Variants in KIF16B observed in about 807,000 individuals in gnomAD.
The protein encoded by KIF16B is kinesin-like protein KIF16B.
KIF16B carries 98 observed loss-of-function variants against 156.3 expected under a neutral mutation model. The observed-to-expected ratio is 0.63, with a 90% CI of 0.53 to 0.74. KIF16B has a LOEUF of 0.74. Ranked by LOEUF, KIF16B falls within the 30% of genes least tolerant of loss-of-function variation. The pLI, the probability that KIF16B is intolerant of heterozygous loss-of-function variation, is 0.00. For missense variants in KIF16B, 1,421 were observed against 1,606.5 expected (o/e 0.88, Z 1.97); for synonymous variants, 564 against 583.7 (o/e 0.97, Z 0.49).
chr20:16,472,419 A>G (rs1474009321), intron 12 of KIF16B, among the ~76,000 whole-genome samples: 1 of 152,162 alleles, frequency 6.6e-6, no homozygotes, highest in African/African-American at 2.4e-5. Flanking sequence ...AGTCACAAGC[A>G]GCCAAGCCAG....
chr20:16,275,826 T>G (rs1337680844), intron 25 of KIF16B, among the ~76,000 whole-genome samples: 1 of 152,162 alleles, frequency 6.6e-6, no homozygotes, highest in African/African-American at 2.4e-5. Flanking sequence ...AATATCAACT[T>G]TAAAGGGACT....
chr20:16,400,772 C>T (rs748555462), intron 17 of KIF16B, among the ~76,000 whole-genome samples: 6 of 152,164 alleles, frequency 3.9e-5, no homozygotes, highest in Non-Finnish European at 2.9e-5. Flanking sequence ...GAGAAGAGGA[C>T]ACACCAGTGA....
intron 12 of KIF16B, among the ~76,000 whole-genome samples, chr20:16,460,495 C>T (rs1427909133): frequency 2.0e-5 from 3 of 151,886 alleles, no homozygotes; most frequent in South Asian, 2.1e-4. Flanking sequence ...TGCTTGAACC[C>T]GGGTTGCAGT....
chr20:16,461,046 A>AGGC (rs2067333368), intron 12 of KIF16B, among the ~76,000 whole-genome samples: 3 of 152,066 alleles, frequency 2.0e-5, no homozygotes, highest in Non-Finnish European at 4.4e-5. Context: ...TTTCATTGTT[A>AGGC]TATAAAAAGC....
intron 15 of KIF16B, among the ~76,000 whole-genome samples, chr20:16,423,774 T>C (rs1476674965): frequency 6.6e-6 from 1 of 152,078 alleles, no homozygotes; most frequent in Non-Finnish European, 1.5e-5. Flanking sequence ...GCAGGACCTC[T>C]ATCTGAGGTT....
chr20:16,489,233 C>G (rs545322123), intron 12 of KIF16B, among the ~76,000 whole-genome samples: 1 of 152,240 alleles, frequency 6.6e-6, no homozygotes, highest in East Asian at 1.9e-4. Flanking sequence ...GAAGAGGTAC[C>G]TGCTGCTGGG....
intron 12 of KIF16B, among the ~76,000 whole-genome samples, chr20:16,477,737 T>C (rs536959631): frequency 7.9e-5 from 12 of 152,316 alleles, no homozygotes; most frequent in East Asian, 5.8e-4. Context: ...ATTCAAAATA[T>C]GCCTGGCGTT....
At position 16,511,439 on chromosome 20, in the gene KIF16B, T is replaced by C; in HGVS notation, c.535A>G (p.Lys179Glu). The change falls in exon 6 of 26, where the codon AAA becomes GAA. Residue 179 changes from lysine to glutamate, a missense_variant. By Grantham distance (56) the Lys-to-Glu change is moderately conservative. Transcript: ENST00000354981. ...TFNLRVREHPKEGPYVEDLSK... is the reference protein window; with the variant it reads ...TFNLRVREHPEEGPYVEDLSK... Reference sequence around the variant, plus strand: ...TTACCCTCAACATAAGGGCCTTCTTTGGGATGCTCACGGACTCTCAAATTG... The same window carrying C: ...TTACCCTCAACATAAGGGCCTTCTTCGGGATGCTCACGGACTCTCAAATTG... 2 of 1,603,696 alleles carry C rather than the reference T, an allele frequency of 1.2e-6. No homozygotes were observed. The highest frequency in any genetic ancestry group is 1.7e-6 in the Non-Finnish European group (2 of 1,172,616).
intron 25 of KIF16B, among the ~76,000 whole-genome samples, chr20:16,286,952 A>G (rs2063231788): frequency 6.6e-6 from 1 of 152,208 alleles, no homozygotes; most frequent in Admixed American, 6.5e-5. Context: ...TCCTTAGTGG[A>G]GTCATGATCA....
chr20:16,415,643 ACTC>A (rs1268297690), intron 15 of KIF16B, among the ~76,000 whole-genome samples: 1 of 151,366 alleles, frequency 6.6e-6, no homozygotes, highest in Non-Finnish European at 1.5e-5. Flanking sequence ...TGATCTCACT[ACTC>A]CTTCTCCTCC....
intron 12 of KIF16B, among the ~76,000 whole-genome samples, chr20:16,440,402 T>G (rs2146521653): frequency 1.3e-5 from 2 of 152,206 alleles, no homozygotes; most frequent in South Asian, 4.1e-4. Context: ...CCAAAATCTG[T>G]ATCTAGCATC....
chr20:16,440,526 A>AGC lies in KIF16B; in HGVS notation c.1303-10546_1303-10545dup, dbSNP rs201313385. On this transcript the variant is annotated intron_variant, in intron 12 of 25. Transcript: ENST00000354981. Reference sequence around the variant, plus strand: ...ACAATACCTATGGTTAAAACACACAAGCGCGCGCACACACACACACACACA... The same window carrying AGC: ...ACAATACCTATGGTTAAAACACACAAGCGCGCGCGCACACACACACACACACA... Among the ~76,000 whole-genome samples the AGC allele has an allele frequency of 1.4e-3, 141 of 99,424 alleles. 1 individual carries two copies. Among genetic ancestry groups the AGC allele is most frequent in the African/African-American group, 3.6e-3 (92 of 25,692 alleles). 65.2% of individuals were successfully genotyped at this position (99,424 alleles called of 152,430 possible). A position where few individuals can be genotyped will look rare whatever the true frequency, so the allele number is the denominator to read the frequency against.
rs1478524425 is a variant in KIF16B, at chr20:16,381,676, GA to G, written c.1838+17del. On this transcript the variant is annotated intron_variant, in intron 18 of 25. Coordinates refer to ENST00000354981, the MANE Select transcript of KIF16B (RefSeq NM_024704.5). ...CCAGACTACAGGAGTGTTGAAACTT[GA>G]ACCCCATGTGACTTACCTTTTACTT... 6.2e-7 allele frequency: 1 copy of G among 1,605,404 alleles called. No homozygotes were observed. Among genetic ancestry groups the G allele is most frequent in the East Asian group, 2.2e-5 (1 of 44,774 alleles).
chr20:16,410,299 A>ATGTGTGTG (rs35361828), intron 15 of KIF16B, among the ~76,000 whole-genome samples: 3 of 141,444 alleles, frequency 2.1e-5, no homozygotes, highest in Admixed American at 7.1e-5. Context: ...CTACATATAT[A>ATGTGTGTG]TGTGTGTGTG....
At chr20:16,409,963 A>ATGTAGG (rs2065880449) in intron 15 of KIF16B, among the ~76,000 whole-genome samples, 1 of 30,182 alleles carries the variant, frequency 3.3e-5, no homozygotes, top group Non-Finnish European at 5.9e-5. Flanking sequence ...ATATATATAT[A>ATGTAGG]TATATACATA....
At chr20:16,408,034 T>C (rs2065830503) in intron 15 of KIF16B, among the ~76,000 whole-genome samples, 1 of 152,138 alleles carries the variant, frequency 6.6e-6, no homozygotes, top group South Asian at 2.1e-4. Flanking sequence ...CTTGCTTGGG[T>C]AATATCTTCA....
At chr20:16,562,766 T>C (rs906333386) in intron 1 of KIF16B, among the ~76,000 whole-genome samples, 3 of 152,142 alleles carry the variant, frequency 2.0e-5, no homozygotes, top group Admixed American at 2.0e-4. Flanking sequence ...TGGGGAATGT[T>C]AGCAAGCCAG....
At chr20:16,471,850 T>C (rs191226220) in intron 12 of KIF16B, among the ~76,000 whole-genome samples, 2 of 152,336 alleles carry the variant, frequency 1.3e-5, no homozygotes, top group East Asian at 1.9e-4. Flanking sequence ...CTTTTTTCCA[T>C]TAAGGTTTTT....
chr20:16,390,415 A>C (rs1568926193), intron 17 of KIF16B, among the ~76,000 whole-genome samples: 1 of 152,232 alleles, frequency 6.6e-6, no homozygotes, highest in Non-Finnish European at 1.5e-5. Context: ...TTTCCTAATC[A>C]AGCCAGAGGA....
Sources: allele counts gnomAD v4.1 joint callset (sites outside exome capture counted in the v4.1 genomes callset), GRCh38; gene constraint gnomAD v4.1.1; transcripts MANE v1.5; gene names NCBI Gene and HGNC (gene_info 2026-07-23, HGNC 2026-07-21).